Variants in STK3 observed in about 807,000 individuals in gnomAD.
The protein encoded by STK3 is serine/threonine kinase 3, also known as serine/threonine-protein kinase 3.
Under a neutral mutation model 58.0 loss-of-function variants are expected in STK3, and 41 were observed. The observed-to-expected ratio is 0.71, with a 90% CI of 0.55 to 0.92. The LOEUF is 0.92. STK3 is among the 40% of genes least tolerant of loss of function. The pLI, the probability that STK3 is intolerant of heterozygous loss-of-function variation, is 0.00. For missense variants in STK3, 479 were observed against 602.7 expected (o/e 0.79, Z 2.15); for synonymous variants, 170 against 191.0 (o/e 0.89, Z 0.91).
intron 4 of STK3, among the ~76,000 whole-genome samples, chr8:98,735,672 C>T (rs531327958): frequency 3.4e-4 from 52 of 152,186 alleles, no homozygotes; most frequent in Middle Eastern, 3.4e-3. Context: ...ATTCTAGTAC[C>T]ACTACCATTA....
intron 7 of STK3, among the ~76,000 whole-genome samples, chr8:98,580,152 G>A (rs1813750552): frequency 6.6e-6 from 1 of 152,138 alleles, no homozygotes; most frequent in Admixed American, 6.5e-5. Flanking sequence ...ACTTATTTTG[G>A]TACTGAGTTA....
Position 98,822,489 on chromosome 8 carries a change from T to C in STK3, c.26+3026A>G, listed in dbSNP as rs577500394. 2.6e-5 allele frequency among the ~76,000 whole-genome samples: 4 copies of C among 152,238 alleles called. No homozygotes were observed. The South Asian group carries it at 8.3e-4, about 32-fold the overall frequency. Reference sequence around the variant, plus strand: ...ATCGCAGTAGGCCCTCATTATCTTCTGGATATCTAAAATTTTGTAATAAAA... The same window carrying C: ...ATCGCAGTAGGCCCTCATTATCTTCCGGATATCTAAAATTTTGTAATAAAA... On this transcript the variant is annotated intron_variant, in intron 1 of 10. Coordinates refer to ENST00000419617, the MANE Select transcript of STK3 (RefSeq NM_006281.4).
chr8:98,883,791 C>T (rs1297276559), exon 2 of STK3: 5 of 689,680 alleles, frequency 7.2e-6, no homozygotes, highest in Non-Finnish European at 1.3e-5. Context: ...AGAGAGATCT[C>T]TCCATCCTTT....
chr8:98,434,042 A>G (rs1818398214), intron 3 of STK3: 1 of 152,152 alleles, frequency 6.6e-6, no homozygotes, highest in Admixed American at 6.5e-5. Flanking sequence ...GAGATCCCCT[A>G]CCTGTTCCCA....
At chr8:98,786,759 G>A (rs1304935370) in intron 1 of STK3, among the ~76,000 whole-genome samples, 1 of 152,184 alleles carries the variant, frequency 6.6e-6, no homozygotes, top group African/African-American at 2.4e-5. Context: ...TCTTGCTAGA[G>A]TAGTAGACAT....
chr8:98,499,666 A>T (rs1041483048), intron 10 of STK3, among the ~76,000 whole-genome samples: 1 of 152,232 alleles, frequency 6.6e-6, no homozygotes, highest in African/African-American at 2.4e-5. Context: ...TAAACACAGT[A>T]AAGATGGTAC....
the STK3 span, among the ~76,000 whole-genome samples, chr8:98,347,513 TCAAAAAAAAA>T: frequency 1.4e-5 from 2 of 140,864 alleles, no homozygotes; most frequent in Non-Finnish European, 3.1e-5. Flanking sequence ...AGACTCCGTC[TCAAAAAAAAA>T]CAAAAAAAAC....
At chr8:98,801,301 C>T (rs991044931) in intron 1 of STK3, among the ~76,000 whole-genome samples, 2 of 152,070 alleles carry the variant, frequency 1.3e-5, no homozygotes, top group African/African-American at 4.8e-5. Flanking sequence ...GTGAAATGGG[C>T]CAATCAGCAG....
At chr8:98,704,241 A>G (rs1345021609) in intron 6 of STK3, among the ~76,000 whole-genome samples, 1 of 152,236 alleles carries the variant, frequency 6.6e-6, no homozygotes, top group Non-Finnish European at 1.5e-5. Flanking sequence ...AAAAGGCAGT[A>G]CTTGTTACCA....
chr8:98,789,798 AG>A (rs1832690891), intron 1 of STK3, among the ~76,000 whole-genome samples: 1 of 152,132 alleles, frequency 6.6e-6, no homozygotes, highest in African/African-American at 2.4e-5. Flanking sequence ...AGGCCGAGGC[AG>A]GTGGATCACC....
At chr8:98,908,855 A>AG (rs1350438919) in intron 1 of STK3, among the ~76,000 whole-genome samples, 2 of 150,588 alleles carry the variant, frequency 1.3e-5, no homozygotes, top group Admixed American at 1.3e-4. Flanking sequence ...AAAAAAAAAA[A>AG]AAAAAAAAAG....
intron 6 of STK3, among the ~76,000 whole-genome samples, chr8:98,643,491 C>T (rs1359969216): frequency 1.3e-5 from 2 of 152,166 alleles, no homozygotes; most frequent in Admixed American, 1.3e-4. Flanking sequence ...GCTTAGATAT[C>T]TCCTTCTTAA....
intron 10 of STK3, among the ~76,000 whole-genome samples, chr8:98,487,959 C>T (rs4348458): frequency 0.5 from 76,475 of 152,128 alleles, 19,561 homozygotes; most frequent in East Asian, 0.62. Flanking sequence ...TTCCATTCAA[C>T]GTAATGGCCA....
rs552977983 is a variant in STK3 at position 98,694,474 on chromosome 8, A to G, written c.684+11993T>C. Among the ~76,000 whole-genome samples the G allele has an allele frequency of 2.0e-5, 3 of 152,248 alleles. No individual in the cohort carries two copies. The East Asian group carries it at 5.8e-4, about 29-fold the overall frequency. ...ATTAACTCGTCATTTAGCATTAAGT[A>G]TATCTCCTAATGCTATCCCTCCCCA... On this transcript the variant is annotated intron_variant, in intron 6 of 10. Coordinates refer to ENST00000419617, the MANE Select transcript of STK3 (RefSeq NM_006281.4).
chr8:98,606,343 C>T (rs1816775052), intron 6 of STK3: 2 of 152,296 alleles, frequency 1.3e-5, no homozygotes, highest in East Asian at 3.9e-4. Context: ...GATCTCTTTA[C>T]CCAGGCTCCC....
chr8:98,702,672 C>T (rs923927866), intron 6 of STK3, among the ~76,000 whole-genome samples: 8 of 152,306 alleles, frequency 5.3e-5, no homozygotes, highest in Middle Eastern at 3.4e-3. Context: ...CACCACTGTT[C>T]TGGAGTGTTC....
chr8:98,422,091 G>A (rs949682098), intron 3 of STK3, among the ~76,000 whole-genome samples: 2 of 152,168 alleles, frequency 1.3e-5, no homozygotes, highest in South Asian at 4.1e-4. Flanking sequence ...AGGGATGGAA[G>A]GGCTGTAGTC....
Position 98,435,512 on chromosome 8 carries a change from G to T in STK3, n.292-1194C>A, listed in dbSNP as rs1311312743. On this transcript the variant is annotated intron_variant and non_coding_transcript_variant, in intron 2 of 3. Transcript: ENST00000517832. ...GCATCAGCTTGGAAGTGTGAGAGGG[G>T]ACAGGTGGCTGATTTGAGGTCACGG... Among the ~76,000 whole-genome samples the T allele has an allele frequency of 2.0e-5, 3 of 152,012 alleles. 1 individual carries two copies. Among genetic ancestry groups the T allele is most frequent in the African/African-American group, 7.2e-5 (3 of 41,386 alleles).
chr8:98,524,767 G>T (rs1450680208), intron 10 of STK3, among the ~76,000 whole-genome samples: 1 of 152,176 alleles, frequency 6.6e-6, no homozygotes, highest in Non-Finnish European at 1.5e-5. Context: ...AACACATTTG[G>T]GAAGTAATTT....
Sources: allele counts gnomAD v4.1 joint callset (sites outside exome capture counted in the v4.1 genomes callset), GRCh38; gene constraint gnomAD v4.1.1; transcripts MANE v1.5; gene names NCBI Gene and HGNC (gene_info 2026-07-23, HGNC 2026-07-21).